The following CERKL variants were observed in gnomAD, a reference collection of about 807,000 sequenced individuals.
CERKL encodes ceramide kinase-like protein.
CERKL carries 61 observed loss-of-function variants against 63.4 expected under a neutral mutation model. The ratio of observed to expected loss-of-function variants is 0.96; its 90% confidence interval spans 0.78 to 1.19. The LOEUF is 1.19. Ranked by LOEUF, CERKL falls within the 50% of genes most tolerant of loss-of-function variation. The pLI is 0.00. For missense variants in CERKL, 675 were observed against 655.5 expected (o/e 1.03, Z -0.33); for synonymous variants, 250 against 230.5 (o/e 1.08, Z -0.77).
At chr2:181,588,344 T>C (rs1272314430) in intron 2 of CERKL, among the ~76,000 whole-genome samples, 1 of 152,152 alleles carries the variant, frequency 6.6e-6, no homozygotes, top group African/African-American at 2.4e-5. Flanking sequence ...GGAAAGATCA[T>C]GTGGTATTTT....
At position 181,537,374 on chromosome 2, in the gene CERKL, A is replaced by C; in HGVS notation, c.*810T>G. 1 of 453,956 alleles carries C rather than the reference A, an allele frequency of 2.2e-6. No homozygotes were observed. The highest frequency in any genetic ancestry group is 1.6e-5 in the South Asian group (1 of 64,470). The allele number at this position is 453,956 out of a possible 1,614,324, so 28.1% of individuals were successfully genotyped here. A position where few individuals can be genotyped will look rare whatever the true frequency, so the allele number is the denominator to read the frequency against. ...TCTCAGATACAAGGGGAACACAATT[A>C]CATATTGGGCTAGATTTTGCCCAGT... is the stretch of plus-strand genomic sequence containing the variant. On this transcript the variant is annotated 3_prime_UTR_variant, in exon 13 of 13. Coordinates refer to ENST00000410087, the MANE Select transcript of CERKL (RefSeq NM_201548.5).
At chr2:181,562,513 A>G (rs2105826885) in intron 4 of CERKL, among the ~76,000 whole-genome samples, 1 of 152,346 alleles carries the variant, frequency 6.6e-6, no homozygotes, top group South Asian at 2.1e-4. Context: ...ACAAGAGTCT[A>G]AATATACAAG....
rs754107761 is a variant in CERKL at position 181,583,521 on chromosome 2, G to A, written c.482-9637C>T. 1.8e-4 allele frequency among the ~76,000 whole-genome samples: 27 copies of A among 152,238 alleles called. 1 individual carries two copies. Among genetic ancestry groups the A allele is most frequent in the Middle Eastern group, 3.4e-3 (1 of 294 alleles). ...AAAATTCAGTTTAGAGGAAATACAG[G>A]CAACAGAACAACAAGTTAAACGATA... On this transcript the variant is annotated intron_variant, in intron 2 of 12. Transcript: ENST00000410087.
At chr2:181,586,078 C>G (rs1241408051) in intron 2 of CERKL, among the ~76,000 whole-genome samples, 1 of 152,104 alleles carries the variant, frequency 6.6e-6, no homozygotes, top group African/African-American at 2.4e-5. Context: ...GTAAACCTAT[C>G]TCCCATGAAA....
At chr2:181,647,328 A>G (rs1687711560) in intron 1 of CERKL, among the ~76,000 whole-genome samples, 1 of 152,262 alleles carries the variant, frequency 6.6e-6, no homozygotes, top group African/African-American at 2.4e-5. Context: ...TTAAATAAAC[A>G]TAGAAGAAAA....
At chr2:181,555,906 C>T (rs972459310) in intron 5 of CERKL, among the ~76,000 whole-genome samples, 2 of 151,982 alleles carry the variant, frequency 1.3e-5, no homozygotes, top group Non-Finnish European at 2.9e-5. Context: ...GCGCACACCA[C>T]CATGCCCAGC....
At chr2:181,645,571 A>G (rs1185822787) in intron 1 of CERKL, among the ~76,000 whole-genome samples, 1 of 152,176 alleles carries the variant, frequency 6.6e-6, no homozygotes, top group East Asian at 1.9e-4. Flanking sequence ...TGGGTAATTT[A>G]GGATTAGTGA....
intron 11 of CERKL, among the ~76,000 whole-genome samples, chr2:181,540,003 C>G (rs906868318): frequency 1.3e-5 from 2 of 152,154 alleles, no homozygotes; most frequent in Non-Finnish European, 2.9e-5. Flanking sequence ...AGATACATTC[C>G]TAATTAAACA....
chr2:181,585,482 A>G (rs1056057891), intron 2 of CERKL, among the ~76,000 whole-genome samples: 34 of 152,186 alleles, frequency 2.2e-4, no homozygotes, highest in Non-Finnish European at 4.4e-4. Flanking sequence ...ATTTCTATTA[A>G]TTCCTAAAAT....
chr2:181,636,510 CT>C (rs924912667), intron 1 of CERKL, among the ~76,000 whole-genome samples: 2 of 152,054 alleles, frequency 1.3e-5, no homozygotes, highest in African/African-American at 4.8e-5. Flanking sequence ...AATGCCCAGC[CT>C]TTGTCACACC....
At chr2:181,589,690 A>C (rs1043429366) in intron 2 of CERKL, among the ~76,000 whole-genome samples, 6 of 152,232 alleles carry the variant, frequency 3.9e-5, no homozygotes, top group Non-Finnish European at 7.3e-5. Flanking sequence ...GAGATCTAAA[A>C]TTCAACTATG....
At position 181,537,854 on chromosome 2, in the gene CERKL, G is replaced by T. The variant is rs115260661; in HGVS notation, c.*330C>A. The T allele has an allele frequency of 2.0e-6, 1 of 508,794 alleles. No individual in the cohort carries two copies. Among genetic ancestry groups the T allele is most frequent in the Non-Finnish European group, 3.8e-6 (1 of 263,104 alleles). 31.5% of individuals were successfully genotyped at this position (508,794 alleles called of 1,614,324 possible). ...AACATCAATTTCTATTAGGATATCC[G>T]TTTGGCCACACAGCAGGAGGTTAGA... On this transcript the variant is annotated 3_prime_UTR_variant, in exon 13 of 13. Transcript: ENST00000410087.
intron 2 of CERKL, among the ~76,000 whole-genome samples, chr2:181,589,200 A>G (rs1322084520): frequency 2.0e-5 from 3 of 152,238 alleles, no homozygotes; most frequent in Non-Finnish European, 2.9e-5. Flanking sequence ...TACCATATTA[A>G]GAACTGTGGC....
intron 1 of CERKL, among the ~76,000 whole-genome samples, chr2:181,618,312 T>C (rs1451715283): frequency 6.6e-6 from 1 of 151,834 alleles, no homozygotes; most frequent in Non-Finnish European, 1.5e-5. Flanking sequence ...AAATTTAAAA[T>C]AGAAGAGTGG....
At chr2:181,652,980 G>C (rs1339404329) in intron 1 of CERKL, among the ~76,000 whole-genome samples, 1 of 152,116 alleles carries the variant, frequency 6.6e-6, no homozygotes, top group East Asian at 1.9e-4. Context: ...TCATCATGTT[G>C]GCTAGGATGG....
Position 181,537,118 on chromosome 2 carries a change from T to C in CERKL, c.*1066A>G, listed in dbSNP as rs1331337657. 1 of 453,020 alleles carries C rather than the reference T, an allele frequency of 2.2e-6. No homozygotes were observed. Among genetic ancestry groups the C allele is most frequent in the East Asian group, 6.9e-5 (1 of 14,406 alleles). 28.1% of individuals were successfully genotyped at this position (453,020 alleles called of 1,614,324 possible). On this transcript the variant is annotated 3_prime_UTR_variant, in exon 13 of 13. Coordinates refer to ENST00000410087, the MANE Select transcript of CERKL (RefSeq NM_201548.5). ...AGGAATAAACTTTATGACATTTATG[T>C]ATTTTTAAAAAACTTTGTATCGTTA...
intron 2 of CERKL, among the ~76,000 whole-genome samples, chr2:181,600,840 G>C (rs1464694822): frequency 1.3e-5 from 2 of 152,136 alleles, no homozygotes; most frequent in Non-Finnish European, 2.9e-5. Flanking sequence ...ACTTAAATCA[G>C]ACTCTTGACC....
At chr2:181,651,038 A>C (rs72885396) in intron 1 of CERKL, among the ~76,000 whole-genome samples, 1 of 152,198 alleles carries the variant, frequency 6.6e-6, no homozygotes, top group Non-Finnish European at 1.5e-5. Context: ...AATCAGTAAT[A>C]AAGTCTTTCA....
intron 2 of CERKL, among the ~76,000 whole-genome samples, chr2:181,601,923 C>A (rs1685475751): frequency 6.6e-6 from 1 of 152,140 alleles, no homozygotes. Flanking sequence ...CAGCTCTTAT[C>A]AAAATCAAAG....
Sources: allele counts gnomAD v4.1 joint callset (sites outside exome capture counted in the v4.1 genomes callset), GRCh38; gene constraint gnomAD v4.1.1; transcripts MANE v1.5; gene names NCBI Gene and HGNC (gene_info 2026-07-23, HGNC 2026-07-21).